The following SNTG1 variants were observed in gnomAD, a reference collection of about 807,000 sequenced individuals.
The protein encoded by SNTG1 is syntrophin gamma 1.
SNTG1 carries 39 observed loss-of-function variants against 74.7 expected under a neutral mutation model. The ratio of observed to expected loss-of-function variants is 0.52; its 90% CI spans 0.40 to 0.68. The LOEUF is 0.68. Among genes scored for constraint, SNTG1 ranks in the 30% least tolerant of loss-of-function variants. SNTG1 has a pLI of 0.00. For missense variants in SNTG1, 685 were observed against 609.5 expected, an observed-to-expected ratio of 1.12 and a Z score of -1.30; for synonymous variants, 254 against 217.1, an observed-to-expected ratio of 1.17 and a Z score of -1.49.
intron 2 of SNTG1, among the ~76,000 whole-genome samples, chr8:50,346,477 A>G (rs1338675313): frequency 1.3e-5 from 2 of 152,164 alleles, no homozygotes; most frequent in Non-Finnish European, 2.9e-5. Context: ...GAGACCCAAC[A>G]ATATTAAAAT....
chr8:50,244,394 G>T (rs1014681240), intron 2 of SNTG1, among the ~76,000 whole-genome samples: 1 of 151,998 alleles, frequency 6.6e-6, no homozygotes, highest in Non-Finnish European at 1.5e-5. Flanking sequence ...GTGTCAACAG[G>T]CTCAAAGTAT....
chr8:50,267,738 G>C (rs1361572086), intron 2 of SNTG1, among the ~76,000 whole-genome samples: 1 of 152,036 alleles, frequency 6.6e-6, no homozygotes, highest in East Asian at 1.9e-4. Context: ...AAGCACATTT[G>C]ACAAAAAAAT....
intron 1 of SNTG1, among the ~76,000 whole-genome samples, chr8:50,059,436 C>A (rs1392200313): frequency 1.3e-5 from 2 of 151,996 alleles, no homozygotes; most frequent in African/African-American, 4.8e-5. Flanking sequence ...TCAACATAAT[C>A]AATATTAGAA....
At chr8:50,323,243 T>C (rs1214203951) in intron 2 of SNTG1, among the ~76,000 whole-genome samples, 2 of 152,214 alleles carry the variant, frequency 1.3e-5, no homozygotes, top group Admixed American at 6.5e-5. Flanking sequence ...CTGAATTCCT[T>C]CTCTGTGTTT....
chr8:50,156,242 T>C (rs936798065), intron 1 of SNTG1, among the ~76,000 whole-genome samples: 1 of 152,020 alleles, frequency 6.6e-6, no homozygotes. Context: ...TTTCAAAAAA[T>C]ACAAGGAGAG....
intron 11 of SNTG1, among the ~76,000 whole-genome samples, chr8:50,552,285 T>C (rs2094431595): frequency 6.6e-6 from 1 of 152,222 alleles, no homozygotes; most frequent in Non-Finnish European, 1.5e-5. Context: ...AGGAAGTCAT[T>C]GAAGCTATAT....
At chr8:50,394,691 G>A (rs1222474787) in intron 3 of SNTG1, among the ~76,000 whole-genome samples, 1 of 152,086 alleles carries the variant, frequency 6.6e-6, no homozygotes, top group Admixed American at 6.6e-5. Flanking sequence ...CAAGAATTTA[G>A]ATTCTCTGTA....
intron 13 of SNTG1, among the ~76,000 whole-genome samples, chr8:50,609,355 T>C (rs1160685427): frequency 6.6e-6 from 1 of 152,126 alleles, no homozygotes; most frequent in African/African-American, 2.4e-5. Flanking sequence ...CATTCAACAC[T>C]TTAAATGTCA....
intron 1 of SNTG1, among the ~76,000 whole-genome samples, chr8:50,161,374 C>T (rs1324521507): frequency 6.6e-6 from 1 of 152,160 alleles, no homozygotes; most frequent in Non-Finnish European, 1.5e-5. Context: ...TTTAGTAGAA[C>T]TTGACCCATT....
chr8:50,035,600 A>G (rs921416341), intron 1 of SNTG1, among the ~76,000 whole-genome samples: 3 of 152,204 alleles, frequency 2.0e-5, no homozygotes, highest in Admixed American at 6.5e-5. Flanking sequence ...GAAATGTTTC[A>G]GTGTGTCCTC....
intron 17 of SNTG1, 147 bp from the exon 18 acceptor site, chr8:50,751,854 T>C (rs1373912855): frequency 4.4e-6 from 2 of 453,908 alleles, no homozygotes; most frequent in Admixed American, 4.4e-5. Flanking sequence ...TAACATTTGA[T>C]AAATATTTTT....
chr8:50,204,715 C>T (rs1354658729), intron 2 of SNTG1, among the ~76,000 whole-genome samples: 1 of 151,996 alleles, frequency 6.6e-6, no homozygotes, highest in Admixed American at 6.6e-5. Flanking sequence ...GCTATCCCTC[C>T]CCACTCCCCC....
At chr8:50,260,905 A>G (rs761088144) in intron 2 of SNTG1, among the ~76,000 whole-genome samples, 1 of 152,154 alleles carries the variant, frequency 6.6e-6, no homozygotes, top group Non-Finnish European at 1.5e-5. Context: ...ATACTGTGGG[A>G]TAAATACAAT....
chr8:50,243,665 C>A (rs1254905319), intron 2 of SNTG1, among the ~76,000 whole-genome samples: 1 of 149,490 alleles, frequency 6.7e-6, no homozygotes, highest in Non-Finnish European at 1.5e-5. Context: ...GGCGTTTGGG[C>A]CAGGTCTCAG....
intron 13 of SNTG1, among the ~76,000 whole-genome samples, chr8:50,640,356 T>C (rs186351059): frequency 7.0e-4 from 107 of 152,290 alleles, no homozygotes; most frequent in Non-Finnish European, 1.4e-3. Flanking sequence ...CTCTAGCTTG[T>C]TAATCTACAT....
chr8:50,422,048 A>G (rs967364819), intron 4 of SNTG1, among the ~76,000 whole-genome samples: 2 of 152,116 alleles, frequency 1.3e-5, no homozygotes, highest in South Asian at 2.1e-4. Flanking sequence ...CACACACTCA[A>G]TCTCTCCTAG....
At chr8:50,691,997 T>A (rs2095382282) in intron 15 of SNTG1, among the ~76,000 whole-genome samples, 1 of 152,206 alleles carries the variant, frequency 6.6e-6, no homozygotes, top group Non-Finnish European at 1.5e-5. Flanking sequence ...ATTTCATTCA[T>A]TTCATCTTCC....
chr8:49,992,564 C>T (rs1370334458), intron 1 of SNTG1, among the ~76,000 whole-genome samples: 2 of 152,108 alleles, frequency 1.3e-5, no homozygotes, highest in Admixed American at 1.3e-4. Flanking sequence ...CAGGGAGCCT[C>T]AGCAACCTTG....
intron 2 of SNTG1, among the ~76,000 whole-genome samples, chr8:50,352,193 C>G (rs1307868894): frequency 6.6e-6 from 1 of 152,096 alleles, no homozygotes. Flanking sequence ...CCGAAATTAA[C>G]TGTTAAGGGT....
Sources: gnomAD v4.1 joint callset for allele counts (sites outside exome capture counted in the v4.1 genomes callset) on GRCh38, gnomAD v4.1.1 for gene constraint, MANE v1.5 for transcripts, NCBI Gene and HGNC (gene_info 2026-07-23, HGNC 2026-07-21) for gene names.